The following APBA2 variants were observed in gnomAD, a reference collection of about 807,000 sequenced individuals.
APBA2 encodes the protein amyloid beta precursor protein binding family A member 2.
APBA2 carries 30 observed loss-of-function variants against 75.0 expected under a neutral mutation model. That is an observed-to-expected ratio of 0.40 (90% CI 0.30 to 0.54). The LOEUF (loss-of-function observed/expected upper bound fraction) is 0.54. APBA2 is among the 20% of genes least tolerant of loss of function. The pLI is 0.49. For synonymous variants in APBA2, 444 were observed against 409.6 expected, an observed-to-expected ratio of 1.08 and a Z score of -1.01; for missense variants, 801 against 1,016.1, an observed-to-expected ratio of 0.79 and a Z score of 2.88.
intron 3 of APBA2, among the ~76,000 whole-genome samples, chr15:29,040,642 G>A (rs2040989134): frequency 6.6e-6 from 1 of 152,208 alleles, no homozygotes; most frequent in African/African-American, 2.4e-5. Flanking sequence ...ACCAGAGCTT[G>A]TGTTCTCAAC....
chr15:28,962,039 C>T (rs1424553092), intron 2 of APBA2, among the ~76,000 whole-genome samples: 4 of 152,074 alleles, frequency 2.6e-5, no homozygotes, highest in Non-Finnish European at 5.9e-5. Context: ...GAATTTGTTT[C>T]CCATGACCTT....
intron 4 of APBA2, among the ~76,000 whole-genome samples, chr15:29,055,863 G>A (rs1395848472): frequency 6.6e-6 from 1 of 152,182 alleles, no homozygotes; most frequent in East Asian, 1.9e-4. Flanking sequence ...GGGTGTTCCT[G>A]TCATTCACAG....
chr15:28,917,800 C>T (rs1446300953), intron 1 of APBA2, among the ~76,000 whole-genome samples: 1 of 152,194 alleles, frequency 6.6e-6, no homozygotes, highest in African/African-American at 2.4e-5. Flanking sequence ...GTCTTATTAG[C>T]TGACTCTTGT....
At chr15:28,899,789 CTG>C (rs1475996681) in intron 1 of APBA2, among the ~76,000 whole-genome samples, 5 of 152,086 alleles carry the variant, frequency 3.3e-5, no homozygotes, top group African/African-American at 7.2e-5. Context: ...GTGGTCGCCT[CTG>C]TGTGTTGGAT....
intron 1 of APBA2, among the ~76,000 whole-genome samples, chr15:28,901,990 G>T (rs1174516313): frequency 6.7e-6 from 1 of 149,238 alleles, no homozygotes; most frequent in Non-Finnish European, 1.5e-5. Flanking sequence ...GGCCAGATGG[G>T]GCTCCAGCGA....
At chr15:29,039,098 G>GGGGTGTGTGT (rs1445107391) in intron 3 of APBA2, among the ~76,000 whole-genome samples, 13 of 106,214 alleles carry the variant, frequency 1.2e-4, no homozygotes, top group South Asian at 3.9e-4. Flanking sequence ...TGTATGTCAG[G>GGGGTGTGTGT]GTGTGTGTGT....
intron 1 of APBA2, among the ~76,000 whole-genome samples, chr15:28,889,494 C>T (rs139914818): frequency 0.01 from 1,589 of 152,304 alleles, 30 homozygotes; most frequent in South Asian, 0.067. Context: ...CCACGTTACT[C>T]GGCTGGATTT....
intron 3 of APBA2, among the ~76,000 whole-genome samples, chr15:29,017,873 T>G (rs1263405774): frequency 6.6e-6 from 1 of 152,212 alleles, no homozygotes. Context: ...ATTTGTTATT[T>G]TGTTTCTTTT....
chr15:29,023,295 C>T (rs902716851), intron 3 of APBA2, among the ~76,000 whole-genome samples: 1 of 151,982 alleles, frequency 6.6e-6, no homozygotes, highest in Non-Finnish European at 1.5e-5. Flanking sequence ...ACTTTTATGG[C>T]GTCACTATAA....
intron 3 of APBA2, among the ~76,000 whole-genome samples, chr15:29,017,457 C>T (rs2039729350): frequency 7.2e-6 from 1 of 139,574 alleles, no homozygotes; most frequent in African/African-American, 2.8e-5. Context: ...GCAACCTCCA[C>T]CTCCTAGGTT....
intron 13 of APBA2, among the ~76,000 whole-genome samples, chr15:29,109,536 G>A (rs772632949): frequency 2.0e-5 from 3 of 152,174 alleles, no homozygotes; most frequent in African/African-American, 4.8e-5. Flanking sequence ...TCTGTGTCTC[G>A]CTGGCACTGC....
intron 2 of APBA2, among the ~76,000 whole-genome samples, chr15:28,938,584 C>T (rs993674897): frequency 6.6e-6 from 1 of 152,204 alleles, no homozygotes; most frequent in African/African-American, 2.4e-5. Context: ...TCTTGGCTCA[C>T]TGCACCCTCC....
At chr15:28,934,734 C>T (rs1358057856) in intron 2 of APBA2, among the ~76,000 whole-genome samples, 3 of 152,152 alleles carry the variant, frequency 2.0e-5, no homozygotes, top group Admixed American at 1.3e-4. Context: ...AGGACTGCCC[C>T]ATGCTGTGCT....
At chr15:28,958,111 T>C (rs1209745799) in intron 2 of APBA2, among the ~76,000 whole-genome samples, 1 of 152,222 alleles carries the variant, frequency 6.6e-6, no homozygotes, top group Non-Finnish European at 1.5e-5. Context: ...ACTCTCTGCT[T>C]TCTCAAAGTT....
intron 6 of APBA2, among the ~76,000 whole-genome samples, chr15:29,089,003 C>T (rs1416972742): frequency 2.6e-5 from 4 of 152,202 alleles, no homozygotes; most frequent in African/African-American, 9.6e-5. Context: ...TCCTCCAGAC[C>T]TCAGCTTAAA....
chr15:29,025,486 CTCGAT>C (rs144923171), intron 3 of APBA2, among the ~76,000 whole-genome samples: 54,512 of 151,240 alleles, frequency 0.36, 15,983 homozygotes, highest in African/African-American at 0.78. Context: ...CCAGGATGGT[CTCGAT>C]TCGATCTCTT....
At chr15:29,029,979 A>G (rs958221780) in intron 3 of APBA2, among the ~76,000 whole-genome samples, 1 of 152,132 alleles carries the variant, frequency 6.6e-6, no homozygotes, top group African/African-American at 2.4e-5. Context: ...TTGTCGAGGG[A>G]GTCCAGAGGT....
chr15:28,967,636 C>T (rs1410862025), intron 2 of APBA2, among the ~76,000 whole-genome samples: 11 of 152,122 alleles, frequency 7.2e-5, no homozygotes, highest in African/African-American at 2.4e-4. Flanking sequence ...GATGGGGTTT[C>T]ACCGTGTTAG....
chr15:29,104,510 G>A (rs1489757008), intron 10 of APBA2, among the ~76,000 whole-genome samples: 1 of 152,246 alleles, frequency 6.6e-6, no homozygotes, highest in African/African-American at 2.4e-5. Flanking sequence ...CCAGGCCTTT[G>A]CCATGTCAGA....
Sources: gnomAD v4.1 joint callset for allele counts (sites outside exome capture counted in the v4.1 genomes callset) on GRCh38, gnomAD v4.1.1 for gene constraint, MANE v1.5 for transcripts, NCBI Gene and HGNC (gene_info 2026-07-23, HGNC 2026-07-21) for gene names.